The following AUTS2 variants were observed in gnomAD, a reference collection of about 807,000 sequenced individuals.
AUTS2 encodes the protein autism susceptibility gene 2 protein.
Under a neutral mutation model 112.4 loss-of-function variants are expected in AUTS2, and 17 were observed. The observed-to-expected ratio is 0.15, with a 90% CI of 0.10 to 0.23. The LOEUF (loss-of-function observed/expected upper bound fraction) is 0.23. AUTS2 is among the 10% of genes least tolerant of loss of function. The probability of loss-of-function intolerance (pLI) is 1.00; values close to 1 mark genes in which losing one functional copy is unlikely to be tolerated. For synonymous variants in AUTS2, 751 were observed against 702.7 expected, an observed-to-expected ratio of 1.07 and a Z score of -1.09; for missense variants, 1,510 against 1,701.6, an observed-to-expected ratio of 0.89 and a Z score of 1.98.
At chr7:70,659,482 A>G (rs1307503728) in intron 5 of AUTS2, among the ~76,000 whole-genome samples, 1 of 151,996 alleles carries the variant, frequency 6.6e-6, no homozygotes, top group African/African-American at 2.4e-5. Context: ...CGGCTGTGTC[A>G]CTTCCTGGCC....
At chr7:70,010,598 A>G (rs1051743036) in intron 2 of AUTS2, among the ~76,000 whole-genome samples, 2 of 152,318 alleles carry the variant, frequency 1.3e-5, no homozygotes, top group East Asian at 3.9e-4. Flanking sequence ...CCATAGAGAC[A>G]TAAGAGTGTG....
chr7:70,006,478 G>A (rs1042519130), intron 2 of AUTS2, among the ~76,000 whole-genome samples: 18 of 152,146 alleles, frequency 1.2e-4, no homozygotes, highest in Admixed American at 1.2e-3. Context: ...ACTGGAACAT[G>A]GGCTGCACGT....
intron 1 of AUTS2, among the ~76,000 whole-genome samples, chr7:69,643,975 G>T (rs983257802): frequency 2.0e-5 from 3 of 152,082 alleles, no homozygotes; most frequent in Non-Finnish European, 4.4e-5. Flanking sequence ...CATACATAAG[G>T]TTCACAATTC....
chr7:70,321,843 C>T (rs972135068), intron 4 of AUTS2, among the ~76,000 whole-genome samples: 2 of 151,856 alleles, frequency 1.3e-5, no homozygotes, highest in Non-Finnish European at 2.9e-5. Context: ...AGAATAGTAC[C>T]CTATAGTTTA....
At chr7:70,141,836 CA>C (rs1293645690) in intron 4 of AUTS2, among the ~76,000 whole-genome samples, 1 of 152,172 alleles carries the variant, frequency 6.6e-6, no homozygotes, top group East Asian at 1.9e-4. Context: ...ATGAACAGTA[CA>C]AGTTAAACTG....
chr7:69,753,398 G>C (rs1348047563), intron 1 of AUTS2, among the ~76,000 whole-genome samples: 1 of 151,952 alleles, frequency 6.6e-6, no homozygotes, highest in Non-Finnish European at 1.5e-5. Flanking sequence ...TGAGAAAAAT[G>C]AGTCAGGATG....
intron 1 of AUTS2, among the ~76,000 whole-genome samples, chr7:69,668,570 C>A (rs911173877): frequency 2.0e-5 from 3 of 152,170 alleles, no homozygotes; most frequent in African/African-American, 7.2e-5. Context: ...GAGTAAATAT[C>A]TTTTCTCTTT....
At chr7:70,286,164 A>C (rs73432996) in intron 4 of AUTS2, among the ~76,000 whole-genome samples, 2,128 of 152,358 alleles carry the variant, frequency 0.014, 70 homozygotes, top group African/African-American at 0.049. Context: ...TGCAGAAAGC[A>C]GGCCTTCAGA....
chr7:70,685,697 A>G (rs903383836), intron 5 of AUTS2, among the ~76,000 whole-genome samples: 1 of 151,988 alleles, frequency 6.6e-6, no homozygotes, highest in Non-Finnish European at 1.5e-5. Flanking sequence ...GCCCTCTTTT[A>G]CCCTGAATTG....
intron 6 of AUTS2, among the ~76,000 whole-genome samples, chr7:70,735,006 GA>G (rs879469662): frequency 1.0e-3 from 143 of 142,066 alleles, no homozygotes; most frequent in Middle Eastern, 3.5e-3. Flanking sequence ...TCTGGAGGAG[GA>G]AAAAAAAAAA....
intron 5 of AUTS2, among the ~76,000 whole-genome samples, chr7:70,516,230 T>C (rs1023616872): frequency 2.6e-5 from 4 of 152,164 alleles, no homozygotes; most frequent in Non-Finnish European, 5.9e-5. Flanking sequence ...GATGTGCTTT[T>C]TCTCCCCTCA....
At chr7:69,753,318 T>G (rs969325661) in intron 1 of AUTS2, among the ~76,000 whole-genome samples, 1 of 152,118 alleles carries the variant, frequency 6.6e-6, no homozygotes, top group Non-Finnish European at 1.5e-5. Flanking sequence ...TTTCCCTACC[T>G]TGTAACAGTG....
intron 1 of AUTS2, among the ~76,000 whole-genome samples, chr7:69,787,111 A>G (rs1789411675): frequency 6.6e-6 from 1 of 152,228 alleles, no homozygotes; most frequent in Admixed American, 6.5e-5. Context: ...TGTTTCTCAC[A>G]GAGCTTTCCC....
intron 5 of AUTS2, among the ~76,000 whole-genome samples, chr7:70,535,040 A>G (rs1800260053): frequency 6.6e-6 from 1 of 152,096 alleles, no homozygotes; most frequent in South Asian, 2.1e-4. Flanking sequence ...TTCATAAAAA[A>G]AAAAAAAAAA....
rs146687034 is a variant in AUTS2, at chr7:70,264,124, ATGT to A, written c.660+129557_660+129559del. Among the ~76,000 whole-genome samples the A allele has an allele frequency of 5.5e-3, 835 of 152,312 alleles. 5 individuals are homozygous for A. Among genetic ancestry groups the A allele is most frequent in the African/African-American group, 0.019 (780 of 41,574 alleles). ...TTGGAAGAGTGGAAGCGTTCATAAA[ATGT>A]TGTGACAAACAATTCTTCCTAGAGA... On this transcript the variant is annotated intron_variant, in intron 4 of 18. Coordinates refer to ENST00000342771, the MANE Select transcript of AUTS2 (RefSeq NM_015570.4).
intron 6 of AUTS2, among the ~76,000 whole-genome samples, chr7:70,745,831 A>G (rs1319800718): frequency 2.6e-5 from 4 of 152,218 alleles, no homozygotes; most frequent in Non-Finnish European, 4.4e-5. Context: ...TGCTTGCGTT[A>G]TATACTATTA....
At chr7:69,638,716 A>G (rs964712588) in intron 1 of AUTS2, among the ~76,000 whole-genome samples, 6 of 152,194 alleles carry the variant, frequency 3.9e-5, no homozygotes, top group Non-Finnish European at 2.9e-5. Context: ...CAGTATTGCC[A>G]TCTGGATGTC....
chr7:70,598,524 G>T (rs183381484), intron 5 of AUTS2, among the ~76,000 whole-genome samples: 1 of 152,034 alleles, frequency 6.6e-6, no homozygotes, highest in Non-Finnish European at 1.5e-5. Flanking sequence ...ACTTCATATC[G>T]CTCCTTTTTC....
chr7:70,456,104 T>C (rs1796728696), intron 5 of AUTS2, among the ~76,000 whole-genome samples: 1 of 152,164 alleles, frequency 6.6e-6, no homozygotes, highest in South Asian at 2.1e-4. Context: ...ATGCACATCA[T>C]GGTGCTTTAA....
Sources: allele counts gnomAD v4.1 joint callset (sites outside exome capture counted in the v4.1 genomes callset), GRCh38; gene constraint gnomAD v4.1.1; transcripts MANE v1.5; gene names NCBI Gene and HGNC (gene_info 2026-07-23, HGNC 2026-07-21).